The following NEMP2 variants were observed in gnomAD, a reference collection of about 807,000 sequenced individuals.
The protein encoded by NEMP2 is nuclear envelope integral membrane protein 2.
NEMP2 carries 53 observed loss-of-function variants against 54.2 expected under a neutral mutation model. The observed-to-expected ratio is 0.98, with a 90% CI of 0.78 to 1.23. The LOEUF (loss-of-function observed/expected upper bound fraction) is 1.23, where lower values mean the gene tolerates loss of function less well. Among genes scored for constraint, NEMP2 ranks in the 50% most tolerant of loss-of-function variants. The pLI is 0.00. For missense variants in NEMP2, 455 were observed against 511.3 expected (o/e 0.89, Z 1.06); for synonymous variants, 197 against 190.3 (o/e 1.04, Z -0.29).
the NEMP2 span, among the ~76,000 whole-genome samples, chr2:190,605,505 G>A: frequency 6.6e-6 from 1 of 152,032 alleles, no homozygotes; most frequent in South Asian, 2.1e-4. Flanking sequence ...CTCTGGAGTA[G>A]CTGGGACTAC....
At chr2:190,570,053 A>G in the NEMP2 span, among the ~76,000 whole-genome samples, 1 of 152,242 alleles carries the variant, frequency 6.6e-6, no homozygotes, top group Non-Finnish European at 1.5e-5. This position sits in a 1 kb window ranked among gnomAD's most constrained non-coding sequence, Gnocchi z 5.4. Flanking sequence ...CTCCTGGATC[A>G]GTAGCCTCTG....
the NEMP2 span, among the ~76,000 whole-genome samples, chr2:190,638,428 C>G: frequency 6.6e-6 from 1 of 152,004 alleles, no homozygotes; most frequent in South Asian, 2.1e-4. This position sits in a 1 kb window ranked among gnomAD's most constrained non-coding sequence, Gnocchi z 5.7. Flanking sequence ...TGTGTAACTG[C>G]TTGGTGCTCA....
At chr2:190,442,490 A>G in the NEMP2 span, 1 of 152,106 alleles carries the variant, frequency 6.6e-6, no homozygotes, top group East Asian at 1.9e-4. Flanking sequence ...GAATGTTGCT[A>G]TGCAGGGTAA....
chr2:190,600,582 G>A, the NEMP2 span, among the ~76,000 whole-genome samples: 1 of 152,116 alleles, frequency 6.6e-6, no homozygotes, highest in Non-Finnish European at 1.5e-5. This position sits in a 1 kb window ranked among gnomAD's most constrained non-coding sequence, Gnocchi z 4.9. Flanking sequence ...ATTAGTTTCT[G>A]AGAGACTGGG....
chr2:190,617,867 A>G, the NEMP2 span, among the ~76,000 whole-genome samples: 1 of 152,216 alleles, frequency 6.6e-6, no homozygotes, highest in African/African-American at 2.4e-5. The surrounding 1 kb of genome is among the most constrained non-coding windows in gnomAD (Gnocchi z 5.0). Context: ...TATTTAGCCT[A>G]CATTTTTATG....
chr2:190,464,886 T>G, the NEMP2 span: 2 of 977,078 alleles, frequency 2.0e-6, no homozygotes, highest in South Asian at 4.7e-5. Context: ...TTATGTTCAC[T>G]GTGGTTTTTA....
the NEMP2 span, among the ~76,000 whole-genome samples, chr2:190,563,004 C>A: frequency 8.6e-5 from 13 of 151,834 alleles, no homozygotes; most frequent in African/African-American, 3.1e-4. The surrounding 1 kb of genome is among the most constrained non-coding windows in gnomAD (Gnocchi z 4.3). Flanking sequence ...CTATAAAACA[C>A]AAATATAATT....
the NEMP2 span, among the ~76,000 whole-genome samples, chr2:190,556,123 T>C: frequency 2.6e-5 from 4 of 152,248 alleles, no homozygotes; most frequent in African/African-American, 7.2e-5. Context: ...AAGAAGCTTA[T>C]GCACCATGAT....
the NEMP2 span, among the ~76,000 whole-genome samples, chr2:190,597,263 CAA>C: frequency 4.4e-5 from 5 of 114,222 alleles, no homozygotes; most frequent in Non-Finnish European, 5.6e-5. This position sits in a 1 kb window ranked among gnomAD's most constrained non-coding sequence, Gnocchi z 4.7. Flanking sequence ...ACTCTGTCTC[CAA>C]AAAAAAAAAA....
the NEMP2 span, among the ~76,000 whole-genome samples, chr2:190,555,616 A>T: frequency 4.0e-5 from 6 of 150,698 alleles, no homozygotes; most frequent in East Asian, 9.8e-4. This position sits in a 1 kb window ranked among gnomAD's most constrained non-coding sequence, Gnocchi z 4.8. Flanking sequence ...AAGACATGCT[A>T]AAAAAAAAGA....
chr2:190,647,884 T>C, the NEMP2 span, among the ~76,000 whole-genome samples: 3 of 152,140 alleles, frequency 2.0e-5, no homozygotes, highest in East Asian at 5.8e-4. Flanking sequence ...CCGGCTAATT[T>C]TGTATTTTTT....
chr2:190,626,164 C>G, the NEMP2 span: 1 of 152,132 alleles, frequency 6.6e-6, no homozygotes, highest in African/African-American at 2.4e-5. This position sits in a 1 kb window ranked among gnomAD's most constrained non-coding sequence, Gnocchi z 4.5. Context: ...TAATCTTATT[C>G]ATGAGGACTC....
the NEMP2 span, among the ~76,000 whole-genome samples, chr2:190,595,897 G>T: frequency 2.6e-5 from 4 of 152,124 alleles, no homozygotes; most frequent in African/African-American, 9.7e-5. The surrounding 1 kb of genome is among the most constrained non-coding windows in gnomAD (Gnocchi z 4.0). Context: ...TCTCATTAGT[G>T]GGTATAAACC....
At chr2:190,556,982 T>C in the NEMP2 span, among the ~76,000 whole-genome samples, 2 of 152,120 alleles carry the variant, frequency 1.3e-5, no homozygotes, top group Non-Finnish European at 2.9e-5. Flanking sequence ...TTACTTTAAA[T>C]TTCATATGGA....
At chr2:190,436,010 G>C in the NEMP2 span, 1 of 1,587,352 alleles carries the variant, frequency 6.3e-7, no homozygotes, top group South Asian at 1.1e-5. This position sits in a 1 kb window ranked among gnomAD's most constrained non-coding sequence, Gnocchi z 5.3. Flanking sequence ...TTGTAAACTT[G>C]CTGATGGTGG....
At chr2:190,644,189 A>G in the NEMP2 span, among the ~76,000 whole-genome samples, 1 of 152,178 alleles carries the variant, frequency 6.6e-6, no homozygotes. This position sits in a 1 kb window ranked among gnomAD's most constrained non-coding sequence, Gnocchi z 4.4. Flanking sequence ...CAAAAAACAG[A>G]ATTCAGCAAG....
chr2:190,644,168 T>TAA, the NEMP2 span, among the ~76,000 whole-genome samples: 1 of 146,842 alleles, frequency 6.8e-6, no homozygotes, highest in African/African-American at 2.5e-5. This position sits in a 1 kb window ranked among gnomAD's most constrained non-coding sequence, Gnocchi z 4.4. Flanking sequence ...TTCCTCATTG[T>TAA]AAAAAAAAAA....
the NEMP2 span, among the ~76,000 whole-genome samples, chr2:190,460,255 T>C: frequency 5.3e-5 from 8 of 152,238 alleles, no homozygotes; most frequent in Admixed American, 3.3e-4. Flanking sequence ...TTTTCAACCA[T>C]AGCCTATTAA....
At chr2:190,429,583 A>G in the NEMP2 span, among the ~76,000 whole-genome samples, 68,963 of 151,868 alleles carry the variant, frequency 0.45, 16,075 homozygotes, top group Admixed American at 0.61. Flanking sequence ...CCAAAGTGCT[A>G]GGATTACAGG....
Sources: allele counts gnomAD v4.1 joint callset (sites outside exome capture counted in the v4.1 genomes callset), GRCh38; gene constraint gnomAD v4.1.1; non-coding constraint Gnocchi (gnomAD v3.1); transcripts MANE v1.5; gene names NCBI Gene and HGNC (gene_info 2026-07-23, HGNC 2026-07-21).